PVT1: variants seen among roughly 807,000 people sequenced by gnomAD.
PVT1 encodes the protein Pvt1 oncogene.
At chr8:127,833,719 G>A (rs184569174) in intron 2 of PVT1, among the ~76,000 whole-genome samples, 112 of 152,324 alleles carry the variant, frequency 7.4e-4, no homozygotes, top group African/African-American at 2.6e-3. Flanking sequence ...CTCCCAAAGT[G>A]CTGGGATTAC....
chr8:128,089,253 C>G (rs1331183245), intron 5 of PVT1, among the ~76,000 whole-genome samples: 1 of 152,176 alleles, frequency 6.6e-6, no homozygotes, highest in Non-Finnish European at 1.5e-5. Context: ...AGTCCAAGAT[C>G]AAGGTGCTGA....
At position 128,049,244 on chromosome 8, in the gene PVT1, G is replaced by A. The variant is rs182972453; in HGVS notation, n.913-20916G>A. ...TCTTAAGACAGCACTTCTGTTAGCT[G>A]ACCTACACAGAAGCAGGTCATTTCG... On this transcript the variant is annotated intron_variant and non_coding_transcript_variant, in intron 4 of 10. Coordinates refer to ENST00000651587, the Ensembl canonical transcript of PVT1. The A allele has an allele frequency of 3.4e-3, 1,775 of 525,960 alleles. 8 individuals carry two copies. Among genetic ancestry groups the A allele is most frequent in the Non-Finnish European group, 4.8e-3 (1,227 of 258,052 alleles). The allele number at this position is 525,960 out of a possible 1,614,324, so 32.6% of individuals were successfully genotyped here. A position where few individuals can be genotyped will look rare whatever the true frequency, so the allele number is the denominator to read the frequency against.
chr8:127,960,937 T>TGGG lies in PVT1; in HGVS notation n.783-28222_783-28220dup, dbSNP rs71566655. ...TTTTTTGTTCTCTTGTGTGTGTGTT[T>TGGG]GGGGGTGGGGGGGGCGGGCGGGCAC... On this transcript the variant is annotated intron_variant and non_coding_transcript_variant, in intron 3 of 10. Coordinates refer to ENST00000651587, the Ensembl canonical transcript of PVT1. Among the ~76,000 whole-genome samples the TGGG allele has an allele frequency of 2.3e-4, 5 of 22,072 alleles. 1 individual carries two copies. The highest frequency in any genetic ancestry group is 4.2e-4 in the African/African-American group (4 of 9,638). The allele number at this position is 22,072 out of a possible 152,430, so 14.5% of individuals were successfully genotyped here. A position where few individuals can be genotyped will look rare whatever the true frequency, so the allele number is the denominator to read the frequency against.
intron 4 of PVT1, among the ~76,000 whole-genome samples, chr8:128,031,489 G>C (rs1037237604): frequency 6.6e-6 from 1 of 152,148 alleles, no homozygotes; most frequent in Non-Finnish European, 1.5e-5. Flanking sequence ...CCCTGGTATT[G>C]CGTACAAAGC....
chr8:127,899,067 C>T (rs1022548223), intron 3 of PVT1, among the ~76,000 whole-genome samples: 47 of 152,276 alleles, frequency 3.1e-4, no homozygotes, highest in African/African-American at 1.1e-3. Context: ...CTGGCTGGCC[C>T]CCAGCTCTCA....
intron 2 of PVT1, among the ~76,000 whole-genome samples, chr8:127,820,936 T>G (rs973346755): frequency 6.6e-6 from 1 of 152,156 alleles, no homozygotes; most frequent in Non-Finnish European, 1.5e-5. Flanking sequence ...CTTAAAGTCC[T>G]GGCCTCAAGT....
At chr8:128,021,290 CTTT>C (rs11438511) in intron 4 of PVT1, among the ~76,000 whole-genome samples, 4 of 81,140 alleles carry the variant, frequency 4.9e-5, no homozygotes, top group Non-Finnish European at 8.8e-5. Flanking sequence ...AGGACTTGTG[CTTT>C]TTTTTTTTTT....
intron 4 of PVT1, among the ~76,000 whole-genome samples, chr8:128,006,914 C>T (rs185176245): frequency 1.4e-3 from 212 of 152,290 alleles, no homozygotes; most frequent in African/African-American, 4.9e-3. Context: ...TTTGACCCCA[C>T]AAGATATTCT....
chr8:127,880,586 GC>G (rs959654033), intron 2 of PVT1, among the ~76,000 whole-genome samples: 68 of 131,966 alleles, frequency 5.2e-4, no homozygotes, highest in South Asian at 2.2e-3. Context: ...ATGAGCCATC[GC>G]CCCCGGCCCT....
intron 2 of PVT1, among the ~76,000 whole-genome samples, chr8:127,865,687 A>G (rs1815279434): frequency 6.6e-6 from 1 of 152,190 alleles, no homozygotes; most frequent in African/African-American, 2.4e-5. Flanking sequence ...AGTGAGACCC[A>G]CTTTGAACTT....
chr8:127,995,525 C>T (rs1817094948), intron 4 of PVT1, among the ~76,000 whole-genome samples: 1 of 152,170 alleles, frequency 6.6e-6, no homozygotes, highest in South Asian at 2.1e-4. Flanking sequence ...ATCAGTCCGT[C>T]AGTCAGTTTT....
At chr8:127,976,781 G>T (rs1816827318) in intron 3 of PVT1, among the ~76,000 whole-genome samples, 1 of 152,198 alleles carries the variant, frequency 6.6e-6, no homozygotes, top group Non-Finnish European at 1.5e-5. Flanking sequence ...CACACAGGAA[G>T]GAAGTGGTGG....
chr8:127,852,176 G>A (rs1815113595), intron 2 of PVT1: 1 of 152,280 alleles, frequency 6.6e-6, no homozygotes, highest in Non-Finnish European at 1.5e-5. Context: ...TTTACTTTGT[G>A]TGGGATTCCA....
intron 2 of PVT1, among the ~76,000 whole-genome samples, chr8:127,831,502 A>T (rs1390197912): frequency 6.6e-6 from 1 of 152,160 alleles, no homozygotes; most frequent in African/African-American, 2.4e-5. Flanking sequence ...TGAGACCATC[A>T]TGGTAGGAGA....
chr8:127,947,631 T>A, intron 3 of PVT1: 2 of 449,274 alleles, frequency 4.5e-6, no homozygotes, highest in Non-Finnish European at 8.9e-6. Context: ...CCCGGCCCTG[T>A]TTCTTAGCTG....
chr8:127,798,624 T>C (rs1335027245), intron 2 of PVT1, among the ~76,000 whole-genome samples: 1 of 145,702 alleles, frequency 6.9e-6, no homozygotes, highest in African/African-American at 2.6e-5. Flanking sequence ...TTTGGGAGGC[T>C]GAGGCCGGTA....
chr8:127,897,563 AAG>A (rs1384299212), intron 3 of PVT1, among the ~76,000 whole-genome samples: 1 of 151,058 alleles, frequency 6.6e-6, no homozygotes, highest in African/African-American at 2.4e-5. Context: ...GAAGGAAAGA[AAG>A]AAGGAAGGAA....
intron 2 of PVT1, among the ~76,000 whole-genome samples, chr8:127,815,346 T>G (rs966268427): frequency 6.6e-6 from 1 of 152,252 alleles, no homozygotes; most frequent in Non-Finnish European, 1.5e-5. Context: ...AATGAGTTTT[T>G]AAATTCATTC....
chr8:128,004,027 C>T (rs1050427926), intron 4 of PVT1, among the ~76,000 whole-genome samples: 2 of 152,168 alleles, frequency 1.3e-5, no homozygotes, highest in Non-Finnish European at 2.9e-5. Context: ...AGAGGGTTCT[C>T]TGGTGTTTCT....
Sources: allele counts gnomAD v4.1 joint callset (sites outside exome capture counted in the v4.1 genomes callset), GRCh38; gene constraint gnomAD v4.1.1; transcripts MANE v1.5; gene names NCBI Gene and HGNC (gene_info 2026-07-23, HGNC 2026-07-21).